The following KIAA1549L variants were observed in gnomAD, a reference collection of about 807,000 sequenced individuals.
KIAA1549L encodes KIAA1549 like, also known as UPF0606 protein KIAA1549L.
Under a neutral mutation model 160.7 loss-of-function variants are expected in KIAA1549L, and 88 were observed. The ratio of observed to expected loss-of-function variants is 0.55; its 90% confidence interval spans 0.46 to 0.65. The LOEUF is 0.65. KIAA1549L is among the 30% of genes least tolerant of loss of function. The probability of loss-of-function intolerance (pLI) is 0.00; values close to 1 mark genes in which losing one functional copy is unlikely to be tolerated. For missense variants in KIAA1549L, 2,258 were observed against 2,437.5 expected (o/e 0.93, Z 1.55); for synonymous variants, 950 against 976.7 (o/e 0.97, Z 0.51).
chr11:33,455,707 A>AT (rs1166208573), intron 1 of KIAA1549L, among the ~76,000 whole-genome samples: 1 of 152,162 alleles, frequency 6.6e-6, no homozygotes, highest in Admixed American at 6.5e-5. Context: ...TCTGAGAGAC[A>AT]TTTTTTTCCT....
chr11:33,625,420 GT>G (rs1341263704), intron 16 of KIAA1549L, among the ~76,000 whole-genome samples: 2 of 152,266 alleles, frequency 1.3e-5, no homozygotes, highest in African/African-American at 4.8e-5. Context: ...TCCAGCACCT[GT>G]TGTTTCCTGA....
intron 6 of KIAA1549L, among the ~76,000 whole-genome samples, chr11:33,556,990 G>A (rs562778526): frequency 6.6e-6 from 1 of 152,256 alleles, no homozygotes; most frequent in Admixed American, 6.5e-5. Context: ...TTGGGTTTTT[G>A]TTTCATTTTG....
At chr11:33,598,745 CAAATA>C (rs1850275804) in intron 12 of KIAA1549L, 70 bp from the exon 13 acceptor site, 9 of 1,536,548 alleles carry the variant, frequency 5.9e-6, no homozygotes, top group Non-Finnish European at 8.1e-6. Flanking sequence ...TTAAACTGTG[CAAATA>C]AAATAACCTT....
At chr11:33,489,543 G>C (rs1486358077) in intron 1 of KIAA1549L, among the ~76,000 whole-genome samples, 1 of 152,174 alleles carries the variant, frequency 6.6e-6, no homozygotes, top group Non-Finnish European at 1.5e-5. Context: ...GTACAGTCCA[G>C]TTAGTAATGG....
At chr11:33,546,811 T>C (rs1326312005) in intron 3 of KIAA1549L, among the ~76,000 whole-genome samples, 1 of 152,224 alleles carries the variant, frequency 6.6e-6, no homozygotes, top group Non-Finnish European at 1.5e-5. Flanking sequence ...CTATGAATTG[T>C]CCTACTCATG....
chr11:33,394,418 T>TAAATAAATAAAC (rs543989703), intron 1 of KIAA1549L, among the ~76,000 whole-genome samples: 3 of 24,288 alleles, frequency 1.2e-4, no homozygotes, highest in African/African-American at 3.1e-4. Flanking sequence ...AATAAATAAA[T>TAAATAAATAAAC]AAACAAACAA....
intron 5 of KIAA1549L, among the ~76,000 whole-genome samples, chr11:33,551,549 A>G (rs1482151735): frequency 6.6e-6 from 1 of 151,234 alleles, no homozygotes; most frequent in East Asian, 2.0e-4. Flanking sequence ...TTTCTATATT[A>G]TCAGTGGGTA....
At chr11:33,392,770 C>T (rs1424055276) in intron 1 of KIAA1549L, among the ~76,000 whole-genome samples, 7 of 152,182 alleles carry the variant, frequency 4.6e-5, no homozygotes, top group Non-Finnish European at 1.0e-4. Context: ...AAGTGAGTAT[C>T]TATCCTGCGT....
At chr11:33,546,638 G>A (rs1454429253) in intron 3 of KIAA1549L, among the ~76,000 whole-genome samples, 1 of 152,166 alleles carries the variant, frequency 6.6e-6, no homozygotes, top group Non-Finnish European at 1.5e-5. Flanking sequence ...CTGTAGTCAA[G>A]AACCTTCTAA....
intron 15 of KIAA1549L, among the ~76,000 whole-genome samples, chr11:33,610,470 A>G (rs1486838005): frequency 1.3e-5 from 2 of 152,298 alleles, no homozygotes; most frequent in Non-Finnish European, 2.9e-5. Flanking sequence ...GTCACCTGCT[A>G]TGTATTAGGT....
intron 1 of KIAA1549L, among the ~76,000 whole-genome samples, chr11:33,420,235 G>GTTTGTTTGTTTGTTTGTTTTTTT (rs1554975227): frequency 5.4e-4 from 25 of 46,310 alleles, no homozygotes; most frequent in African/African-American, 1.3e-3. Context: ...TTTTTTTTTT[G>GTTTGTTTGTTTGTTTGTTTTTTT]TTTTTTTTTT....
At position 33,439,647 on chromosome 11, in the gene KIAA1549L, G is replaced by A. The variant is rs559592011; in HGVS notation, c.238+62758G>A. ...AGGATGGTCTCGATCTCCTGACCTC[G>A]TGATCCGCCTGCCTTGGCCTCCCAA... On this transcript the variant is annotated intron_variant, in intron 1 of 20. Transcript: ENST00000658780. Among the ~76,000 whole-genome samples, 7 of 148,166 alleles carry A rather than the reference G, an allele frequency of 4.7e-5. No homozygotes were observed. In the South Asian group the frequency reaches 8.6e-4, roughly 18 times the overall value.
rs879365874 is a variant in KIAA1549L at position 33,478,575 on chromosome 11, A to C, written c.239-63227A>C. Reference sequence around the variant, plus strand: ...TAAAGAGCTGGTCACAGATAGGAATAGCATTTTTTTCCATCTGATTTTTAT... The same window carrying C: ...TAAAGAGCTGGTCACAGATAGGAATCGCATTTTTTTCCATCTGATTTTTAT... On this transcript the variant is annotated intron_variant, in intron 1 of 20. Transcript: ENST00000658780. 1.1e-3 allele frequency among the ~76,000 whole-genome samples: 170 copies of C among 152,312 alleles called. 1 individual carries two copies. Among genetic ancestry groups the C allele is most frequent in the Non-Finnish European group, 1.9e-3 (126 of 68,024 alleles).
chr11:33,577,144 A>G (rs1467982759), intron 10 of KIAA1549L, among the ~76,000 whole-genome samples: 1 of 152,120 alleles, frequency 6.6e-6, no homozygotes, highest in Non-Finnish European at 1.5e-5. Flanking sequence ...CGGGAGGGAG[A>G]GAACTGCGTG....
intron 1 of KIAA1549L, among the ~76,000 whole-genome samples, chr11:33,475,565 A>C (rs1238984394): frequency 1.3e-5 from 2 of 151,822 alleles, no homozygotes; most frequent in East Asian, 3.9e-4. Context: ...CTTTAAAAAA[A>C]AAAAAGGCCA....
At chr11:33,661,891 A>C (rs1485530686) in intron 20 of KIAA1549L, among the ~76,000 whole-genome samples, 2 of 149,660 alleles carry the variant, frequency 1.3e-5, no homozygotes, top group Non-Finnish European at 3.0e-5. Flanking sequence ...AAAAAAAAAA[A>C]AAAAAAAAAA....
chr11:33,577,434 A>G (rs758079976), intron 10 of KIAA1549L, among the ~76,000 whole-genome samples: 4 of 152,184 alleles, frequency 2.6e-5, no homozygotes, highest in Admixed American at 6.5e-5. Flanking sequence ...GAAGCTGACA[A>G]TGCAGAAGAG....
chr11:33,497,587 G>A (rs1852849638), intron 1 of KIAA1549L, among the ~76,000 whole-genome samples: 1 of 152,026 alleles, frequency 6.6e-6, no homozygotes, highest in South Asian at 2.1e-4. Context: ...TATTTATTTG[G>A]TTCTTTTTTA....
chr11:33,456,494 T>A (rs1219132585), intron 1 of KIAA1549L, among the ~76,000 whole-genome samples: 3 of 152,054 alleles, frequency 2.0e-5, no homozygotes, highest in Non-Finnish European at 4.4e-5. Flanking sequence ...CACTGCAACC[T>A]TGACCTTCCA....
Sources: gnomAD v4.1 joint callset for allele counts (sites outside exome capture counted in the v4.1 genomes callset) on GRCh38, gnomAD v4.1.1 for gene constraint, MANE v1.5 for transcripts, NCBI Gene and HGNC (gene_info 2026-07-23, HGNC 2026-07-21) for gene names.